VEPH1: variants seen among roughly 807,000 people sequenced by gnomAD.
VEPH1 encodes ventricular zone expressed PH domain containing 1.
A neutral mutation model predicts 85.2 loss-of-function variants in VEPH1; 80 were observed. The ratio of observed to expected loss-of-function variants is 0.94; its 90% CI spans 0.78 to 1.13. The LOEUF is 1.13. Among genes scored for constraint, VEPH1 ranks in the 50% most tolerant of loss-of-function variants. The pLI is 0.00. For missense variants in VEPH1, 955 were observed against 980.5 expected (o/e 0.97, Z 0.35); for synonymous variants, 297 against 348.0 (o/e 0.85, Z 1.63).
At chr3:157,399,453 T>C (rs1238789023) in intron 6 of VEPH1, among the ~76,000 whole-genome samples, 1 of 152,196 alleles carries the variant, frequency 6.6e-6, no homozygotes, top group Non-Finnish European at 1.5e-5. Context: ...TAGATATCTA[T>C]ATCATTTTCT....
intron 4 of VEPH1, among the ~76,000 whole-genome samples, chr3:157,451,050 CTGGTATTGATATCA>C (rs1182902512): frequency 6.6e-6 from 1 of 152,114 alleles, no homozygotes; most frequent in Non-Finnish European, 1.5e-5. Flanking sequence ...CTGTCCTTGT[CTGGTATTGATATCA>C]TGGTATTGAT....
At chr3:157,282,148 TATA>T (rs1161851215) in intron 12 of VEPH1, among the ~76,000 whole-genome samples, 1 of 152,218 alleles carries the variant, frequency 6.6e-6, no homozygotes, top group African/African-American at 2.4e-5. Context: ...TCTAATATAA[TATA>T]ATAAATAGCA....
At chr3:157,341,767 G>A (rs548633621) in intron 9 of VEPH1, among the ~76,000 whole-genome samples, 2 of 152,174 alleles carry the variant, frequency 1.3e-5, no homozygotes, top group Admixed American at 1.3e-4. Flanking sequence ...GTTAAGGGCA[G>A]CCAGAGAGAA....
chr3:157,487,366 A>G (rs1283448649), intron 2 of VEPH1, among the ~76,000 whole-genome samples: 1 of 152,166 alleles, frequency 6.6e-6, no homozygotes, highest in African/African-American at 2.4e-5. Context: ...CTTAGAAAAT[A>G]TACTTTACCA....
chr3:157,441,352 G>C (rs567376720), intron 4 of VEPH1, among the ~76,000 whole-genome samples: 1 of 152,244 alleles, frequency 6.6e-6, no homozygotes, highest in South Asian at 2.1e-4. Context: ...CTTATGGTTG[G>C]CATAAGGATT....
chr3:157,363,684 T>C lies in VEPH1; in HGVS notation c.1415A>G (p.Asp472Gly), dbSNP rs767524980. The C allele has an allele frequency of 1.9e-6, 3 of 1,614,112 alleles. No individual in the cohort carries two copies. The highest frequency in any genetic ancestry group is 2.5e-6 in the Non-Finnish European group (3 of 1,180,008). Residue 472 changes from aspartate (D) to glycine (G), a missense_variant, in exon 9 of 14, where the codon GAC (aspartate) becomes GGC (glycine). Physicochemically the swap from Asp to Gly is moderately conservative, Grantham distance 94. Coordinates refer to ENST00000362010, the MANE Select transcript of VEPH1 (RefSeq NM_001167912.2). ...TGAAAGAGAGATGCTGGCTGGTATG[T>C]CTCCCCTGTTTTCATCTTCGCCGTC... is the stretch of plus-strand genomic sequence containing the variant. ...SDDGEDENRG[D>G]IPASISLSEI...
chr3:157,354,221 A>G (rs2108730794), intron 9 of VEPH1, among the ~76,000 whole-genome samples: 1 of 151,926 alleles, frequency 6.6e-6, no homozygotes, highest in South Asian at 2.1e-4. Flanking sequence ...TTTTGCTGTG[A>G]ACCTAAAACT....
At chr3:157,266,323 C>G (rs1006094299) in intron 12 of VEPH1, among the ~76,000 whole-genome samples, 2 of 151,820 alleles carry the variant, frequency 1.3e-5, no homozygotes, top group Non-Finnish European at 2.9e-5. Flanking sequence ...TCTCTGTATT[C>G]CCATCTTCAC....
intron 11 of VEPH1, among the ~76,000 whole-genome samples, chr3:157,306,621 G>T (rs559837237): frequency 6.6e-5 from 10 of 151,896 alleles, no homozygotes; most frequent in African/African-American, 1.7e-4. Context: ...TAGTATTTCT[G>T]TACATGTTTT....
At chr3:157,349,506 C>T (rs1043985582) in intron 9 of VEPH1, among the ~76,000 whole-genome samples, 1 of 152,014 alleles carries the variant, frequency 6.6e-6, no homozygotes, top group African/African-American at 2.4e-5. Context: ...CAATCTTATT[C>T]AACCTAGTAC....
At chr3:157,361,189 A>G (rs191062421) in intron 9 of VEPH1, among the ~76,000 whole-genome samples, 14 of 152,354 alleles carry the variant, frequency 9.2e-5, no homozygotes, top group South Asian at 2.1e-4. Context: ...AAGCCCTGGT[A>G]TACTTATCTA....
intron 2 of VEPH1, among the ~76,000 whole-genome samples, chr3:157,487,987 T>A (rs889387202): frequency 6.6e-6 from 1 of 152,066 alleles, no homozygotes; most frequent in African/African-American, 2.4e-5. Context: ...GAAGGATAAC[T>A]CATTCTAGTC....
intron 4 of VEPH1, among the ~76,000 whole-genome samples, chr3:157,455,717 G>T (rs1021222077): frequency 1.3e-5 from 2 of 152,080 alleles, no homozygotes; most frequent in Non-Finnish European, 2.9e-5. Context: ...AAGGATAATA[G>T]CCTCTGGCTC....
At chr3:157,330,600 G>A (rs951672148) in intron 9 of VEPH1, among the ~76,000 whole-genome samples, 28 of 152,136 alleles carry the variant, frequency 1.8e-4, no homozygotes, top group African/African-American at 6.5e-4. Flanking sequence ...AACAATGAAG[G>A]GTCTTTCTCA....
chr3:157,351,978 T>G (rs545654846), intron 9 of VEPH1, among the ~76,000 whole-genome samples: 33 of 152,322 alleles, frequency 2.2e-4, no homozygotes, highest in Middle Eastern at 6.8e-3. Flanking sequence ...AAATTACCTC[T>G]GGTTTAGAAT....
intron 7 of VEPH1, among the ~76,000 whole-genome samples, chr3:157,370,542 T>G (rs2108809263): frequency 1.3e-5 from 2 of 152,324 alleles, no homozygotes; most frequent in Middle Eastern, 3.4e-3. Flanking sequence ...AACTTCACAG[T>G]GCTAGCATCT....
intron 11 of VEPH1, among the ~76,000 whole-genome samples, chr3:157,311,845 T>A (rs1720146525): frequency 6.6e-6 from 1 of 152,178 alleles, no homozygotes; most frequent in Non-Finnish European, 1.5e-5. Flanking sequence ...AGTTGAAAAT[T>A]TGAATGAAAT....
intron 6 of VEPH1, among the ~76,000 whole-genome samples, chr3:157,408,468 T>C (rs1306889307): frequency 6.6e-6 from 1 of 152,178 alleles, no homozygotes; most frequent in Non-Finnish European, 1.5e-5. Flanking sequence ...CTCAAATTCT[T>C]AATTACCAGT....
intron 5 of VEPH1, among the ~76,000 whole-genome samples, chr3:157,415,601 C>T (rs1385955981): frequency 6.6e-6 from 1 of 151,978 alleles, no homozygotes; most frequent in African/African-American, 2.4e-5. Flanking sequence ...GGTGTTTTTT[C>T]CTGCCTTAAA....
Sources: gnomAD v4.1 joint callset for allele counts (sites outside exome capture counted in the v4.1 genomes callset) on GRCh38, gnomAD v4.1.1 for gene constraint, MANE v1.5 for transcripts, NCBI Gene and HGNC (gene_info 2026-07-23, HGNC 2026-07-21) for gene names.